Variants in ACOT11 observed in about 807,000 individuals in gnomAD.
ACOT11 encodes acyl-CoA thioesterase 11, also known as acyl-coenzyme A thioesterase 11.
In ACOT11, 69 loss-of-function variants were observed where a neutral mutation model predicts 77.5. That is an observed-to-expected ratio of 0.89 (90% CI 0.73 to 1.09). ACOT11 has a LOEUF of 1.09. Ranked by LOEUF, ACOT11 falls within the 50% of genes least tolerant of loss-of-function variation. ACOT11 has a pLI of 0.00. For missense variants in ACOT11, 766 were observed against 813.7 expected, an observed-to-expected ratio of 0.94 and a Z score of 0.71; for synonymous variants, 279 against 313.0, an observed-to-expected ratio of 0.89 and a Z score of 1.15.
rs988604017 is a variant in ACOT11, at chr1:54,587,857, C to G, written c.311+1953C>G. The stretch of plus-strand genomic sequence containing the variant: ...GATTACAGGCGTGAGCCACCCTGCC[C>G]AGCTGCTTTGTAATACCTTTTATTT... On this transcript the variant is annotated intron_variant, in intron 3 of 15. Transcript: ENST00000343744. 8.1e-4 allele frequency among the ~76,000 whole-genome samples: 123 copies of G among 152,012 alleles called. 1 individual carries two copies. Among genetic ancestry groups the G allele is most frequent in the African/African-American group, 2.9e-3 (121 of 41,512 alleles).
rs1643958073 is a variant in ACOT11, at chr1:54,601,147, G to A, written c.885-122G>A. On this transcript the variant is annotated intron_variant, in intron 8 of 15. Transcript: ENST00000343744. ...TGTGTATGTGTGTGCATACGTGTGT[G>A]TGTGTGCATGCATGTGTGTGGGCGC... is the stretch of plus-strand genomic sequence containing the variant. 5 of 1,128,644 alleles carry A rather than the reference G, an allele frequency of 4.4e-6. No individual in the cohort carries two copies. The East Asian group carries it at 7.2e-5, about 16-fold the overall frequency. The allele number at this position is 1,128,644 out of a possible 1,614,324, so 69.9% of individuals were successfully genotyped here. A position where few individuals can be genotyped will look rare whatever the true frequency, so the allele number is the denominator to read the frequency against.
intron 1 of ACOT11, among the ~76,000 whole-genome samples, chr1:54,552,506 CAG>C (rs1653105902): frequency 6.6e-6 from 1 of 152,108 alleles, no homozygotes; most frequent in African/African-American, 2.4e-5. Flanking sequence ...GTTTTTGAGG[CAG>C]AGTCTCACTC....
chr1:54,570,163 C>G (rs551623152), intron 1 of ACOT11, among the ~76,000 whole-genome samples: 2 of 152,166 alleles, frequency 1.3e-5, no homozygotes, highest in Non-Finnish European at 2.9e-5. Flanking sequence ...TTGAGCCTCT[C>G]GAGGGCCTAC....
At chr1:54,627,001 T>C (rs1330223449) in intron 15 of ACOT11, among the ~76,000 whole-genome samples, 1 of 133,936 alleles carries the variant, frequency 7.5e-6, no homozygotes, top group Admixed American at 7.7e-5. Context: ...GGATTACAGG[T>C]GCGCACCACC....
rs144626946 is a variant in ACOT11 at position 54,609,333 on chromosome 1, G to A, written c.*221G>A. ...CCCTGGGGTAGCCTGTAGTAGACTC[G>A]GGTCCTGTCCACAGCCCTAGCTGCC... On this transcript the variant is annotated 3_prime_UTR_variant, in exon 16 of 16. Coordinates refer to ENST00000343744, the MANE Select transcript of ACOT11 (RefSeq NM_147161.4). The A allele has an allele frequency of 5.9e-5, 96 of 1,613,970 alleles. No individual in the cohort carries two copies. In the African/African-American group the frequency reaches 8.3e-4, roughly 14 times the overall value.
chr1:54,626,184 C>T (rs1253665123), intron 15 of ACOT11, among the ~76,000 whole-genome samples: 1 of 150,886 alleles, frequency 6.6e-6, no homozygotes, highest in Non-Finnish European at 1.5e-5. Flanking sequence ...GCAGGAGAAT[C>T]GCTTGAACTT....
intron 1 of ACOT11, among the ~76,000 whole-genome samples, chr1:54,560,720 T>C (rs2100944787): frequency 7.0e-6 from 1 of 143,216 alleles, no homozygotes; most frequent in South Asian, 2.1e-4. Context: ...TCAACTATGC[T>C]TGGCTATTTT....
chr1:54,548,560 G>C (rs930654133), intron 1 of ACOT11: 1 of 630,516 alleles, frequency 1.6e-6, no homozygotes, highest in East Asian at 2.8e-5. Flanking sequence ...GATCCCCCAC[G>C]GGCTGGCTGT....
chr1:54,616,265 G>T, intron 15 of ACOT11: 2 of 1,104,738 alleles, frequency 1.8e-6, no homozygotes, highest in Non-Finnish European at 1.3e-6. Context: ...CAGAACATTT[G>T]AGAAATACAG....
In ACOT11 at chr1:54,609,641, T is replaced by C. The variant is rs1486424772; in HGVS notation, c.*529T>C. 6.2e-7 allele frequency: 1 copy of C among 1,613,844 alleles called. No individual in the cohort carries two copies. The highest frequency in any genetic ancestry group is 1.7e-5 in the Admixed American group (1 of 60,030). ...GACCTCAGCCACAGCTGTAAGCAGCTCTCTGCCAGCCACATGGCCGGGGAC... is the reference window on the plus strand; with the variant it reads ...GACCTCAGCCACAGCTGTAAGCAGCCCTCTGCCAGCCACATGGCCGGGGAC... On this transcript the variant is annotated 3_prime_UTR_variant, in exon 16 of 16. Transcript: ENST00000343744.
At chr1:54,616,778 G>A (rs1183870307) in intron 15 of ACOT11, among the ~76,000 whole-genome samples, 1 of 152,014 alleles carries the variant, frequency 6.6e-6, no homozygotes, top group Non-Finnish European at 1.5e-5. Context: ...CATCTCTTTA[G>A]AGCAAACAAG....
chr1:54,578,876 A>G (rs1259104113), intron 1 of ACOT11, among the ~76,000 whole-genome samples: 2 of 152,000 alleles, frequency 1.3e-5, no homozygotes, highest in South Asian at 2.1e-4. Context: ...GGTAATACGT[A>G]TGAGAACTGC....
intron 16 of ACOT11, among the ~76,000 whole-genome samples, chr1:54,632,456 T>C (rs1569819032): frequency 6.6e-6 from 1 of 152,288 alleles, no homozygotes; most frequent in South Asian, 2.1e-4. Context: ...GTTTAAAAGG[T>C]ATACAAATAC....
rs560177811 is a variant in ACOT11, at chr1:54,620,046, G to A, written c.1630-10688G>A. 8.5e-5 allele frequency: 137 copies of A among 1,603,154 alleles called. 1 individual carries two copies. The South Asian group carries it at 1.4e-3, about 16-fold the overall frequency. On this transcript the variant is annotated intron_variant, in intron 15 of 16. Transcript: ENST00000371316. Reference sequence around the variant, plus strand: ...CAAGGGGCTGTTAGCGTCTGTCCTCGCCCCAGCCCAAGACTCATGTTCGTT... The same window carrying A: ...CAAGGGGCTGTTAGCGTCTGTCCTCACCCCAGCCCAAGACTCATGTTCGTT...
At chr1:54,581,422 G>A (rs918374770) in intron 1 of ACOT11, among the ~76,000 whole-genome samples, 4 of 152,186 alleles carry the variant, frequency 2.6e-5, no homozygotes, top group Non-Finnish European at 5.9e-5. Context: ...CAGCTGGGTG[G>A]CCCTGGGCCA....
chr1:54,611,020 G>A (rs1644111794), downstream of ACOT11: 3 of 985,374 alleles, frequency 3.0e-6, no homozygotes, highest in Non-Finnish European at 3.6e-6. Context: ...ATAATGGGGG[G>A]TTTGGAATTT....
rs1007441965 is a variant in ACOT11 at position 54,615,962 on chromosome 1, A to T, written c.1629+7894A>T. The T allele has an allele frequency of 3.8e-6, 6 of 1,576,472 alleles. No individual in the cohort carries two copies. In the Admixed American group the frequency reaches 7.0e-5, roughly 18 times the overall value. On this transcript the variant is annotated intron_variant, in intron 15 of 16. Coordinates refer to the ACOT11 transcript ENST00000371316. ...GCTTCCCAGTGAGGGATCTCTGCAC[A>T]TGCTGCCCCAGGGCCAGAGGGCTGG...
At chr1:54,599,582 T>A in intron 8 of ACOT11, 167 bp downstream of exon 8, 1 of 828,326 alleles carries the variant, frequency 1.2e-6, no homozygotes, top group Non-Finnish European at 1.6e-6. Flanking sequence ...TGATTTTCCC[T>A]TCTTGGGAGC....
chr1:54,548,394 GA>G lies in ACOT11; in HGVS notation c.33+55del, dbSNP rs113953446. 8.0e-3 allele frequency: 12,478 copies of G among 1,565,144 alleles called. 147 individuals are homozygous for G. The highest frequency in any genetic ancestry group is 0.033 in the Middle Eastern group (196 of 5,952). ...GAGGGCTCTGGAAGCTGGGCACCCAGAAAGAGATTGATGTTTCCATTTTAAC... is the reference window on the plus strand; with the variant it reads ...GAGGGCTCTGGAAGCTGGGCACCCAGAAGAGATTGATGTTTCCATTTTAAC... On this transcript the variant is annotated intron_variant, in intron 1 of 15. Coordinates refer to ENST00000343744, the MANE Select transcript of ACOT11 (RefSeq NM_147161.4).
Sources: gnomAD v4.1 joint callset for allele counts (sites outside exome capture counted in the v4.1 genomes callset) on GRCh38, gnomAD v4.1.1 for gene constraint, MANE v1.5 for transcripts, NCBI Gene and HGNC (gene_info 2026-07-23, HGNC 2026-07-21) for gene names.